The following CCDC30 variants were observed in gnomAD, a reference collection of about 807,000 sequenced individuals.
The protein encoded by CCDC30 is coiled-coil domain containing 30.
Under a neutral mutation model 100.2 loss-of-function variants are expected in CCDC30, and 70 were observed. The observed-to-expected ratio is 0.70, with a 90% CI of 0.58 to 0.85. CCDC30 has a LOEUF of 0.85. CCDC30 is among the 40% of genes least tolerant of loss of function. The pLI is 0.00. For missense variants in CCDC30, 652 were observed against 771.2 expected (o/e 0.85, Z 1.83); for synonymous variants, 233 against 269.5 (o/e 0.86, Z 1.33).
chr1:42,579,294 T>C (rs1339917827), intron 8 of CCDC30, among the ~76,000 whole-genome samples: 1 of 150,964 alleles, frequency 6.6e-6, no homozygotes, highest in Non-Finnish European at 1.5e-5. Context: ...CTGAATTAAC[T>C]TATTTTTAAG....
At chr1:42,456,886 T>C in the CCDC30 span, 10 of 1,612,702 alleles carry the variant, frequency 6.2e-6, no homozygotes, top group Non-Finnish European at 8.5e-6. Flanking sequence ...CTCTGCGGCC[T>C]TCGGGCCCAG....
At chr1:42,456,629 G>C in the CCDC30 span, 1 of 1,575,334 alleles carries the variant, frequency 6.3e-7, no homozygotes, top group East Asian at 2.3e-5. Context: ...CTGGGCTGAG[G>C]TTATGGCTCG....
chr1:42,601,397 C>T lies in CCDC30; in HGVS notation c.1165-9581C>T, dbSNP rs76863215. 6.3e-4 allele frequency among the ~76,000 whole-genome samples: 96 copies of T among 152,272 alleles called. 2 individuals carry two copies. In the East Asian group the frequency reaches 0.013, roughly 21 times the overall value. On this transcript the variant is annotated intron_variant, in intron 10 of 16. Transcript: ENST00000668663. ...GACTAACAACCCCAGCCCACAAAATCGTGCTATTTATCTCAGCCAAAGGAG... is the reference window on the plus strand; with the variant it reads ...GACTAACAACCCCAGCCCACAAAATTGTGCTATTTATCTCAGCCAAAGGAG...
At chr1:42,554,323 G>T (rs1645323097) in intron 6 of CCDC30, among the ~76,000 whole-genome samples, 1 of 148,226 alleles carries the variant, frequency 6.7e-6, no homozygotes, top group African/African-American at 2.5e-5. Flanking sequence ...TGTCATCCAG[G>T]CTGGAGCGCA....
At chr1:42,601,270 T>C (rs1397348357) in intron 10 of CCDC30, among the ~76,000 whole-genome samples, 1 of 152,184 alleles carries the variant, frequency 6.6e-6, no homozygotes, top group Non-Finnish European at 1.5e-5. Context: ...ATTTATAGCA[T>C]TGAATGCATA....
chr1:42,536,475 G>A lies in CCDC30; in HGVS notation c.457-29821G>A, dbSNP rs1348520243. The A allele has an allele frequency of 1.3e-6, 2 of 1,588,090 alleles. No homozygotes were observed. The highest frequency in any genetic ancestry group is 1.1e-5 in the South Asian group (1 of 87,818). On this transcript the variant is annotated intron_variant, in intron 6 of 16. Coordinates refer to ENST00000668663, the Ensembl canonical transcript of CCDC30. ...TTAATTATGTAAAATGCTTTTTACA[G>A]ATCCTGAAAATGAGCCAAGAAAAAA...
At chr1:42,615,307 G>T (rs1396459208) in intron 11 of CCDC30, among the ~76,000 whole-genome samples, 2 of 152,082 alleles carry the variant, frequency 1.3e-5, no homozygotes, top group African/African-American at 4.8e-5. Flanking sequence ...TTGTTTGTTT[G>T]TTTTTTGAGA....
At chr1:42,571,872 C>A (rs1306752970) in intron 7 of CCDC30, among the ~76,000 whole-genome samples, 1 of 152,164 alleles carries the variant, frequency 6.6e-6, no homozygotes, top group East Asian at 1.9e-4. Context: ...ATTGAAAGAA[C>A]TTTGCCTTTG....
intron 1 of CCDC30, among the ~76,000 whole-genome samples, chr1:42,472,051 C>A (rs777498966): frequency 6.6e-6 from 1 of 152,004 alleles, no homozygotes; most frequent in East Asian, 1.9e-4. Context: ...GTCAGGAGTT[C>A]GAGACGAGCC....
intron 6 of CCDC30, among the ~76,000 whole-genome samples, chr1:42,533,368 T>C (rs1415290447): frequency 6.6e-6 from 1 of 152,022 alleles, no homozygotes; most frequent in Non-Finnish European, 1.5e-5. Flanking sequence ...TATTGAGAAT[T>C]AAAGAATAAA....
At chr1:42,647,742 A>T (rs540777592) in intron 15 of CCDC30, among the ~76,000 whole-genome samples, 53 of 152,358 alleles carry the variant, frequency 3.5e-4, no homozygotes, top group African/African-American at 1.2e-3. Flanking sequence ...AACACAATGA[A>T]ATGAAACTAG....
chr1:42,505,465 A>G (rs926823106), intron 6 of CCDC30, among the ~76,000 whole-genome samples: 1 of 152,238 alleles, frequency 6.6e-6, no homozygotes, highest in Non-Finnish European at 1.5e-5. Context: ...TGACAAATGT[A>G]TAAGTTTTGG....
At chr1:42,581,175 T>C (rs546489717) in intron 8 of CCDC30, among the ~76,000 whole-genome samples, 185 bp from the exon 13 acceptor site, 1 of 152,348 alleles carries the variant, frequency 6.6e-6, no homozygotes, top group East Asian at 1.9e-4. Context: ...TTGAATTATA[T>C]GAATGCATTA....
rs57060353 is a variant in CCDC30, at chr1:42,545,162, TAA to T, written c.457-21109_457-21108del. On this transcript the variant is annotated intron_variant, in intron 6 of 16. Transcript: ENST00000668663. Reference sequence around the variant, plus strand: ...CAACCCCAGAGTCCAAAAATACCTTTAAAAAAAAAAAAAAAAAAAAAAAAAAG... The same window carrying T: ...CAACCCCAGAGTCCAAAAATACCTTTAAAAAAAAAAAAAAAAAAAAAAAAG... Among the ~76,000 whole-genome samples the T allele has an allele frequency of 4.4e-3, 283 of 64,676 alleles. 4 individuals carry two copies. The highest frequency in any genetic ancestry group is 0.012 in the Middle Eastern group (1 of 86). 42.4% of individuals were successfully genotyped at this position (64,676 alleles called of 152,430 possible). A position where few individuals can be genotyped will look rare whatever the true frequency, so the allele number is the denominator to read the frequency against.
chr1:42,539,126 A>G (rs553817334), intron 6 of CCDC30, 47 bp from the exon 8 acceptor site: 3 of 1,390,400 alleles, frequency 2.2e-6, no homozygotes, highest in Non-Finnish European at 2.9e-6. Context: ...TTTATGGGGG[A>G]AAATAGTCTT....
At chr1:42,512,172 G>A (rs1339275929) in intron 6 of CCDC30, among the ~76,000 whole-genome samples, 43 of 152,210 alleles carry the variant, frequency 2.8e-4, no homozygotes. Context: ...CACCTTAAGT[G>A]GTTTTCCACC....
Position 42,558,199 on chromosome 1 carries a change from A to G in CCDC30, c.457-8097A>G, listed in dbSNP as rs148523230. The G allele has an allele frequency of 2.8e-3, 633 of 228,152 alleles. 3 individuals carry two copies. Among genetic ancestry groups the G allele is most frequent in the African/African-American group, 0.014 (597 of 43,042 alleles). The allele number at this position is 228,152 out of a possible 1,614,324, so 14.1% of individuals were successfully genotyped here. ...ACTGTTCTGGTTTTTCCATCCTTCA[A>G]AAGAAGCTAAAACTTTTGGGCCTTT... On this transcript the variant is annotated intron_variant, in intron 6 of 16. Coordinates refer to ENST00000668663, the Ensembl canonical transcript of CCDC30.
chr1:42,500,274 C>T, intron 6 of CCDC30: 1 of 1,610,806 alleles, frequency 6.2e-7, no homozygotes, highest in South Asian at 1.1e-5. Flanking sequence ...TCTCTTGCGT[C>T]TCTGTCTTCT....
chr1:42,507,759 G>T (rs1038751097), intron 6 of CCDC30, among the ~76,000 whole-genome samples: 6 of 152,156 alleles, frequency 3.9e-5, no homozygotes, highest in Non-Finnish European at 7.4e-5. Context: ...TGTTAATTTT[G>T]TATGTCCCCA....
Sources: gnomAD v4.1 joint callset for allele counts (sites outside exome capture counted in the v4.1 genomes callset) on GRCh38, gnomAD v4.1.1 for gene constraint, MANE v1.5 for transcripts, NCBI Gene and HGNC (gene_info 2026-07-23, HGNC 2026-07-21) for gene names.